GALNTL6: variants seen among roughly 807,000 people sequenced by gnomAD.
GALNTL6 encodes polypeptide N-acetylgalactosaminyltransferase-like 6.
In GALNTL6, 46 loss-of-function variants were observed where a neutral mutation model predicts 73.7. The ratio of observed to expected loss-of-function variants is 0.62; its 90% CI spans 0.49 to 0.80. The LOEUF is 0.80. GALNTL6 is among the 30% of genes least tolerant of loss of function. GALNTL6 has a pLI of 0.00. For synonymous variants in GALNTL6, 259 were observed against 263.7 expected (o/e 0.98, Z 0.17); for missense variants, 604 against 755.0 (o/e 0.80, Z 2.34).
At chr4:172,758,687 A>C (rs1737894690) in intron 5 of GALNTL6, among the ~76,000 whole-genome samples, 1 of 152,334 alleles carries the variant, frequency 6.6e-6, no homozygotes, top group Admixed American at 6.5e-5. Context: ...ACAATTCATA[A>C]GTTTTAAATT....
chr4:172,833,545 A>T (rs1434043914), intron 7 of GALNTL6, among the ~76,000 whole-genome samples: 1 of 152,128 alleles, frequency 6.6e-6, no homozygotes, highest in African/African-American at 2.4e-5. Flanking sequence ...TGCCTTTCCA[A>T]AACCTTCATT....
At chr4:172,431,926 C>G (rs1731472622) in intron 5 of GALNTL6, among the ~76,000 whole-genome samples, 3 of 152,104 alleles carry the variant, frequency 2.0e-5, no homozygotes, top group African/African-American at 7.2e-5. Flanking sequence ...TTATATGACA[C>G]TAATCATAAT....
At position 173,009,092 on chromosome 4, in the gene GALNTL6, C is replaced by A; in HGVS notation, c.1372-86C>A. 8.2e-6 allele frequency: 7 copies of A among 852,006 alleles called. No individual in the cohort carries two copies. In the Middle Eastern group the frequency reaches 1.6e-3, roughly 190 times the overall value. 52.8% of individuals were successfully genotyped at this position (852,006 alleles called of 1,614,324 possible). A position where few individuals can be genotyped will look rare whatever the true frequency, so the allele number is the denominator to read the frequency against. On this transcript the variant is annotated intron_variant, in intron 10 of 12. Coordinates refer to ENST00000506823, the MANE Select transcript of GALNTL6 (RefSeq NM_001034845.3). ...ATGTAACCAAAAAGATAATCTATGT[C>A]TTACTTAATCTACACCATGGTTGTT...
intron 8 of GALNTL6, among the ~76,000 whole-genome samples, chr4:172,902,388 A>G (rs909780917): frequency 7.9e-5 from 12 of 152,182 alleles, no homozygotes; most frequent in African/African-American, 2.7e-4. Context: ...GAGACTGAGA[A>G]GGAAGCCCAA....
At chr4:172,705,808 G>T (rs1734316604) in intron 5 of GALNTL6, among the ~76,000 whole-genome samples, 1 of 151,914 alleles carries the variant, frequency 6.6e-6, no homozygotes. Context: ...ACTTCTTCCT[G>T]TCCTGTAGGG....
chr4:171,923,606 C>A (rs1422653465), intron 2 of GALNTL6, among the ~76,000 whole-genome samples: 1 of 148,700 alleles, frequency 6.7e-6, no homozygotes, highest in Non-Finnish European at 1.5e-5. Context: ...CAGGGTTTCA[C>A]CGTGTTAGCC....
At chr4:171,910,546 T>G (rs2110961315) in intron 2 of GALNTL6, among the ~76,000 whole-genome samples, 1 of 152,094 alleles carries the variant, frequency 6.6e-6, no homozygotes, top group South Asian at 2.1e-4. Flanking sequence ...AGACCCAAGT[T>G]ATAAATGACA....
intron 5 of GALNTL6, among the ~76,000 whole-genome samples, chr4:172,383,828 A>G (rs549857418): frequency 1.3e-5 from 2 of 152,136 alleles, no homozygotes; most frequent in Admixed American, 6.5e-5. Flanking sequence ...TCATGTAAGG[A>G]TGATGGATTT....
intron 3 of GALNTL6, among the ~76,000 whole-genome samples, chr4:172,264,277 C>T (rs1738358577): frequency 6.6e-6 from 1 of 151,108 alleles, no homozygotes; most frequent in African/African-American, 2.4e-5. Context: ...ATGCAGTAAT[C>T]TCATTTCTAC....
At chr4:172,883,039 G>T in intron 8 of GALNTL6, 132 bp downstream of exon 8, 2 of 550,598 alleles carry the variant, frequency 3.6e-6, no homozygotes, top group South Asian at 2.6e-5. Context: ...TCCCAAGTGA[G>T]CTCTTGTAGT....
At chr4:171,943,080 T>C (rs997238896) in intron 2 of GALNTL6, among the ~76,000 whole-genome samples, 1 of 152,240 alleles carries the variant, frequency 6.6e-6, no homozygotes. Context: ...ATTGTTGTTT[T>C]ATCATCAATT....
intron 3 of GALNTL6, among the ~76,000 whole-genome samples, chr4:172,270,146 T>C (rs1738590070): frequency 6.6e-6 from 1 of 152,120 alleles, no homozygotes; most frequent in Admixed American, 6.6e-5. Context: ...TCTGCTGATT[T>C]CCACTCCTTT....
At chr4:172,647,093 T>C (rs1365713796) in intron 5 of GALNTL6, among the ~76,000 whole-genome samples, 1 of 152,060 alleles carries the variant, frequency 6.6e-6, no homozygotes, top group Admixed American at 6.6e-5. Context: ...AATTAGGTCC[T>C]AACTTTTGTT....
chr4:172,833,918 C>T (rs1205185787), intron 7 of GALNTL6, among the ~76,000 whole-genome samples: 2 of 152,132 alleles, frequency 1.3e-5, no homozygotes, highest in African/African-American at 2.4e-5. Context: ...AGTTCAAGAC[C>T]AGCCTGGCCA....
In GALNTL6 at chr4:172,598,288, A is replaced by G. The variant is rs190986861; in HGVS notation, c.554-211073A>G. On this transcript the variant is annotated intron_variant, in intron 5 of 12. Coordinates refer to ENST00000506823, the MANE Select transcript of GALNTL6 (RefSeq NM_001034845.3). ...TTTTCTTGGAAAATCAAATAAGAGA[A>G]CCTGTCATTTTTCTTTAGAAGTTTG... Among the ~76,000 whole-genome samples, 324 of 152,264 alleles carry G rather than the reference A, an allele frequency of 2.1e-3. 1 individual carries two copies. The highest frequency in any genetic ancestry group is 7.6e-3 in the African/African-American group (316 of 41,566).
At chr4:172,398,971 CA>C (rs759530368) in intron 5 of GALNTL6, among the ~76,000 whole-genome samples, 2 of 151,082 alleles carry the variant, frequency 1.3e-5, no homozygotes, top group African/African-American at 2.4e-5. Context: ...GAAATTAACA[CA>C]AAAAAAATCA....
intron 2 of GALNTL6, among the ~76,000 whole-genome samples, chr4:172,050,702 T>C (rs905567365): frequency 1.3e-5 from 2 of 152,196 alleles, no homozygotes; most frequent in African/African-American, 4.8e-5. Flanking sequence ...TTTTGAGCTA[T>C]TATCACCTTC....
In GALNTL6 at chr4:172,528,114, G is replaced by A. The variant is rs538253074; in HGVS notation, c.553+179425G>A. 6.6e-5 allele frequency among the ~76,000 whole-genome samples: 10 copies of A among 151,412 alleles called. No homozygotes were observed. In the South Asian group the frequency reaches 1.9e-3, roughly 28 times the overall value. ...ATCAACTACAATATTCTGAGGTCTG[G>A]TTCATCATTACTAGAAATCTTTTAA... On this transcript the variant is annotated intron_variant, in intron 5 of 12. Transcript: ENST00000506823.
intron 5 of GALNTL6, among the ~76,000 whole-genome samples, chr4:172,799,181 C>G (rs1740459486): frequency 6.6e-6 from 1 of 152,104 alleles, no homozygotes; most frequent in Admixed American, 6.6e-5. Flanking sequence ...GACCACACAG[C>G]TAAGATGAGA....
Sources: allele counts gnomAD v4.1 joint callset (sites outside exome capture counted in the v4.1 genomes callset), GRCh38; gene constraint gnomAD v4.1.1; transcripts MANE v1.5; gene names NCBI Gene and HGNC (gene_info 2026-07-23, HGNC 2026-07-21).